The following KCNB2 variants were observed in gnomAD, a reference collection of about 807,000 sequenced individuals.
KCNB2 encodes delayed rectifier potassium channel protein.
In KCNB2, 15 loss-of-function variants were observed where a neutral mutation model predicts 61.5. The ratio of observed to expected loss-of-function variants is 0.24; its 90% CI spans 0.16 to 0.38. The LOEUF is 0.38. Ranked by LOEUF, KCNB2 falls within the 10% of genes least tolerant of loss-of-function variation. KCNB2 has a pLI of 1.00. For synonymous variants in KCNB2, 457 were observed against 446.0 expected (o/e 1.02, Z -0.31); for missense variants, 828 against 1,125.2 (o/e 0.74, Z 3.78).
At chr8:72,903,472 T>C (rs1417463386) in intron 2 of KCNB2, among the ~76,000 whole-genome samples, 1 of 152,206 alleles carries the variant, frequency 6.6e-6, no homozygotes, top group Non-Finnish European at 1.5e-5. Flanking sequence ...TTCTAGCTAC[T>C]GGAGAGGCTA....
intron 2 of KCNB2, among the ~76,000 whole-genome samples, chr8:72,745,837 C>T (rs1006226090): frequency 5.3e-5 from 8 of 152,142 alleles, no homozygotes; most frequent in Non-Finnish European, 8.8e-5. Context: ...AGTCCCCTCC[C>T]TTCCTGAGTC....
intron 2 of KCNB2, among the ~76,000 whole-genome samples, chr8:72,606,452 C>T (rs894078841): frequency 3.9e-5 from 6 of 152,190 alleles, no homozygotes; most frequent in African/African-American, 1.4e-4. Context: ...TAATTATTAT[C>T]TCTGCATGGC....
chr8:72,929,956 C>G (rs144772725), intron 2 of KCNB2, among the ~76,000 whole-genome samples: 5,910 of 117,138 alleles, frequency 0.05, 446 homozygotes, highest in African/African-American at 0.18. Context: ...CCCCTCCCCC[C>G]ACCCCACAAC....
intron 2 of KCNB2, among the ~76,000 whole-genome samples, chr8:72,735,497 G>T (rs1807827852): frequency 1.3e-5 from 2 of 152,104 alleles, no homozygotes; most frequent in South Asian, 4.1e-4. Context: ...ATGTAACAAG[G>T]TATTGTCTAG....
intron 2 of KCNB2, among the ~76,000 whole-genome samples, chr8:72,682,974 C>G (rs1374670798): frequency 6.6e-6 from 1 of 152,110 alleles, no homozygotes; most frequent in Non-Finnish European, 1.5e-5. Flanking sequence ...AAGATTGCTT[C>G]CAAATACTAG....
chr8:72,747,205 G>T (rs1317872213), intron 2 of KCNB2, among the ~76,000 whole-genome samples: 1 of 152,298 alleles, frequency 6.6e-6, no homozygotes, highest in African/African-American at 2.4e-5. Flanking sequence ...CACTGTTGTG[G>T]TTTCTGCCAA....
intron 2 of KCNB2, among the ~76,000 whole-genome samples, chr8:72,786,849 A>G (rs933377881): frequency 6.6e-6 from 1 of 152,222 alleles, no homozygotes; most frequent in African/African-American, 2.4e-5. Context: ...AAGGAAGAAC[A>G]GACATCTCAT....
At chr8:72,892,086 C>A (rs1805905266) in intron 2 of KCNB2, among the ~76,000 whole-genome samples, 1 of 152,162 alleles carries the variant, frequency 6.6e-6, no homozygotes, top group South Asian at 2.1e-4. Flanking sequence ...TGCTCCATTT[C>A]ATTGTTAATG....
At chr8:72,551,669 G>A (rs552850099) in intron 1 of KCNB2, among the ~76,000 whole-genome samples, 17 of 152,200 alleles carry the variant, frequency 1.1e-4, no homozygotes, top group South Asian at 2.1e-4. Context: ...TCATCATGCC[G>A]TCTTCTAGCA....
Position 72,934,455 on chromosome 8 carries a change from G to A in KCNB2, c.580-1480G>A, listed in dbSNP as rs1306635835. 2.0e-5 allele frequency among the ~76,000 whole-genome samples: 3 copies of A among 149,572 alleles called. No individual in the cohort carries two copies. The South Asian group carries it at 6.3e-4, about 32-fold the overall frequency. ...GAGGAGAAAGGAGGAAGTGAAAGGA[G>A]AATAACCCAGAAGTGGAGAAATTTA... On this transcript the variant is annotated intron_variant, in intron 2 of 2. Coordinates refer to ENST00000523207, the MANE Select transcript of KCNB2 (RefSeq NM_004770.3).
At chr8:72,771,362 T>C (rs564110388) in intron 2 of KCNB2, among the ~76,000 whole-genome samples, 22 of 152,334 alleles carry the variant, frequency 1.4e-4, no homozygotes, top group Non-Finnish European at 2.4e-4. Context: ...CCTTTTTATA[T>C]ATTTTTTATT....
chr8:72,838,157 C>T (rs1382995000), intron 2 of KCNB2, among the ~76,000 whole-genome samples: 3 of 152,124 alleles, frequency 2.0e-5, no homozygotes. Flanking sequence ...GTTACACATG[C>T]ACAATGTGCA....
At chr8:72,904,691 G>GGT (rs1806143974) in intron 2 of KCNB2, among the ~76,000 whole-genome samples, 1 of 151,262 alleles carries the variant, frequency 6.6e-6, no homozygotes. Context: ...TAAGTTTTAG[G>GGT]GTACATGTGC....
intron 2 of KCNB2, among the ~76,000 whole-genome samples, chr8:72,849,154 AT>A (rs1302389450): frequency 6.7e-6 from 1 of 150,032 alleles, no homozygotes. Context: ...CAGCCTTGTA[AT>A]TTTTTTTATT....
chr8:72,773,765 A>G (rs1385473201), intron 2 of KCNB2, among the ~76,000 whole-genome samples: 1 of 152,196 alleles, frequency 6.6e-6, no homozygotes, highest in Non-Finnish European at 1.5e-5. Context: ...ATTTACCTTC[A>G]CAATTAATTT....
At chr8:72,705,717 A>G (rs910611394) in intron 2 of KCNB2, among the ~76,000 whole-genome samples, 2 of 152,208 alleles carry the variant, frequency 1.3e-5, no homozygotes, top group Non-Finnish European at 2.9e-5. Flanking sequence ...GCATCTGGAG[A>G]ATATGGGTGT....
chr8:72,756,387 A>G (rs1034618244), intron 2 of KCNB2, among the ~76,000 whole-genome samples: 7 of 152,250 alleles, frequency 4.6e-5, no homozygotes, highest in Admixed American at 3.3e-4. Context: ...TGTCCTGTAT[A>G]TGAGCTTGGG....
intron 2 of KCNB2, among the ~76,000 whole-genome samples, chr8:72,569,041 AT>A (rs1806669874): frequency 6.6e-6 from 1 of 152,012 alleles, no homozygotes; most frequent in Admixed American, 6.6e-5. Flanking sequence ...CTCACAGTAA[AT>A]TTTTTGTCAC....
At chr8:72,858,948 T>A (rs774975796) in intron 2 of KCNB2, among the ~76,000 whole-genome samples, 5 of 152,232 alleles carry the variant, frequency 3.3e-5, no homozygotes, top group African/African-American at 7.2e-5. Context: ...AGTCTTGGCT[T>A]CAAGAATGGA....
Sources: allele counts gnomAD v4.1 joint callset (sites outside exome capture counted in the v4.1 genomes callset), GRCh38; gene constraint gnomAD v4.1.1; transcripts MANE v1.5; gene names NCBI Gene and HGNC (gene_info 2026-07-23, HGNC 2026-07-21).